Variants in CCNY observed in about 807,000 individuals in gnomAD.
The protein encoded by CCNY is cyclin Y, also known as cyclin-Y.
CCNY carries 19 observed loss-of-function variants against 42.8 expected under a neutral mutation model. That is an observed-to-expected ratio of 0.44 (90% CI 0.31 to 0.65). The LOEUF (loss-of-function observed/expected upper bound fraction) is 0.65, where lower values mean the gene tolerates loss of function less well. Ranked by LOEUF, CCNY falls within the 30% of genes least tolerant of loss-of-function variation. The pLI is 0.07. For missense variants in CCNY, 370 were observed against 437.3 expected (o/e 0.85, Z 1.37); for synonymous variants, 165 against 162.7 (o/e 1.01, Z -0.11).
rs374298169 is a variant in CCNY at position 35,290,124 on chromosome 10, G to A, written c.-9+39498G>A. Among the ~76,000 whole-genome samples the A allele has an allele frequency of 1.9e-3, 286 of 151,206 alleles. 1 individual carries two copies. Among genetic ancestry groups the A allele is most frequent in the African/African-American group, 6.6e-3 (272 of 41,166 alleles). On this transcript the variant is annotated intron_variant, in intron 3 of 11. Coordinates refer to the CCNY transcript ENST00000374706. ...GTTTGTAATCCCAGCTACTCGGCGG[G>A]CTGAGGCAGGAGAATCTCTTGAACC... is the stretch of plus-strand genomic sequence containing the variant.
chr10:35,394,936 T>C (rs1837490136), intron 1 of CCNY: 1 of 722,206 alleles, frequency 1.4e-6, no homozygotes, highest in Non-Finnish European at 1.7e-6. Context: ...TGAGGGCTTC[T>C]CTTTGGAAAC....
intron 3 of CCNY, among the ~76,000 whole-genome samples, chr10:35,296,362 T>G (rs185490528): frequency 3.3e-5 from 5 of 152,114 alleles, no homozygotes; most frequent in Non-Finnish European, 5.9e-5. Context: ...GGTGGATCAC[T>G]TGCAGCCAGG....
intron 1 of CCNY, among the ~76,000 whole-genome samples, chr10:35,406,610 A>T (rs1837779103): frequency 6.6e-6 from 1 of 152,162 alleles, no homozygotes; most frequent in Non-Finnish European, 1.5e-5. Flanking sequence ...ACAAAATGAA[A>T]AGTCTCCCAT....
intron 1 of CCNY, chr10:35,434,055 G>A (rs1194371575): frequency 2.0e-5 from 3 of 152,236 alleles, no homozygotes; most frequent in Non-Finnish European, 4.4e-5. Context: ...GGGAGCAAGA[G>A]CCTGCCTGTG....
rs12572958 is a variant in CCNY, at chr10:35,486,211, G to T, written c.229+2733G>T. On this transcript the variant is annotated intron_variant, in intron 2 of 9. Transcript: ENST00000374704. Reference sequence around the variant, plus strand: ...TCTCCTCTTCTCACAGGTGGGCAGCGGTGCTGGAGATACATTTCTTCCCAG... The same window carrying T: ...TCTCCTCTTCTCACAGGTGGGCAGCTGTGCTGGAGATACATTTCTTCCCAG... 1.5e-3 allele frequency among the ~76,000 whole-genome samples: 221 copies of T among 152,244 alleles called. 5 individuals are homozygous for T. The East Asian group carries it at 0.034, about 23-fold the overall frequency.
At chr10:35,466,799 G>T (rs972068161) in intron 1 of CCNY, among the ~76,000 whole-genome samples, 1 of 152,180 alleles carries the variant, frequency 6.6e-6, no homozygotes. Context: ...TAGAGACAGG[G>T]TCTCGCTCTG....
chr10:35,541,142 A>G (rs1164726420), intron 7 of CCNY, among the ~76,000 whole-genome samples: 1 of 152,028 alleles, frequency 6.6e-6, no homozygotes, highest in African/African-American at 2.4e-5. Context: ...ATCTACAGTT[A>G]TGAATTTCTA....
chr10:35,469,969 CAGGG>C, intron 1 of CCNY, among the ~76,000 whole-genome samples: 1 of 117,042 alleles, frequency 8.5e-6, no homozygotes, highest in East Asian at 2.7e-4. Context: ...GAGAGACAGA[CAGGG>C]AGATAGGGCA....
intron 1 of CCNY, among the ~76,000 whole-genome samples, chr10:35,414,825 G>A (rs943558251): frequency 7.9e-5 from 12 of 152,174 alleles, no homozygotes; most frequent in Admixed American, 7.2e-4. Flanking sequence ...CATAAAAGAG[G>A]GTTAGGGTAA....
intron 1 of CCNY, among the ~76,000 whole-genome samples, chr10:35,365,612 A>G (rs987779132): frequency 2.6e-5 from 4 of 152,170 alleles, no homozygotes; most frequent in African/African-American, 7.2e-5. Context: ...ACTTCTTTCC[A>G]TTTAATCTTT....
intron 3 of CCNY, among the ~76,000 whole-genome samples, chr10:35,259,769 C>T (rs1446499758): frequency 2.7e-5 from 4 of 150,870 alleles, no homozygotes; most frequent in Admixed American, 2.0e-4. Flanking sequence ...GCCTCGGCCT[C>T]CCAAAGTGCT....
At chr10:35,351,981 G>A (rs1420084965) in intron 1 of CCNY, among the ~76,000 whole-genome samples, 4 of 152,168 alleles carry the variant, frequency 2.6e-5, no homozygotes, top group African/African-American at 9.7e-5. Flanking sequence ...TAGCCACATT[G>A]TTTTGTTTGC....
At chr10:35,566,285 A>G (rs1277276785) in intron 9 of CCNY, 100 bp downstream of exon 9, 25 of 1,181,928 alleles carry the variant, frequency 2.1e-5, no homozygotes, top group Non-Finnish European at 2.7e-5. Context: ...CCCCCACTAC[A>G]TGATGTAAAA....
At chr10:35,549,651 C>G (rs1486990066) in intron 7 of CCNY, among the ~76,000 whole-genome samples, 3 of 145,084 alleles carry the variant, frequency 2.1e-5, no homozygotes, top group African/African-American at 7.9e-5. Context: ...CTGCGCTGCT[C>G]ATGGCCCATG....
chr10:35,329,989 C>T (rs184498059), intron 3 of CCNY, among the ~76,000 whole-genome samples: 11 of 152,296 alleles, frequency 7.2e-5, no homozygotes, highest in African/African-American at 2.6e-4. Flanking sequence ...AGGTTACTAA[C>T]GTGAGACAGA....
At chr10:35,341,916 T>G (rs1836190093) in intron 1 of CCNY, among the ~76,000 whole-genome samples, 1 of 152,238 alleles carries the variant, frequency 6.6e-6, no homozygotes, top group Non-Finnish European at 1.5e-5. Context: ...CGAATGACTT[T>G]AGCTGTGGCC....
At chr10:35,560,494 GACAGCC>G (rs1439557579) in intron 8 of CCNY, among the ~76,000 whole-genome samples, 2 of 152,306 alleles carry the variant, frequency 1.3e-5, no homozygotes, top group East Asian at 3.9e-4. Context: ...GTGAGACTCA[GACAGCC>G]ACCTGCAAGC....
chr10:35,503,274 TCTG>T (rs1391763499), intron 3 of CCNY, among the ~76,000 whole-genome samples: 9 of 152,152 alleles, frequency 5.9e-5, no homozygotes, highest in African/African-American at 2.2e-4. Context: ...TAAAATCACA[TCTG>T]CTGACACAGA....
chr10:35,265,534 G>A (rs909622390), intron 3 of CCNY, among the ~76,000 whole-genome samples: 18 of 152,228 alleles, frequency 1.2e-4, no homozygotes, highest in Admixed American at 9.8e-4. Flanking sequence ...CCTCTTGCCT[G>A]CAGTGAGCCC....
Sources: allele counts gnomAD v4.1 joint callset (sites outside exome capture counted in the v4.1 genomes callset), GRCh38; gene constraint gnomAD v4.1.1; transcripts MANE v1.5; gene names NCBI Gene and HGNC (gene_info 2026-07-23, HGNC 2026-07-21).